Variants in ARAP3 observed in about 807,000 individuals in gnomAD.
ARAP3 encodes arf-GAP with Rho-GAP domain, ANK repeat and PH domain-containing protein 3.
A neutral mutation model predicts 169.2 loss-of-function variants in ARAP3; 82 were observed. The observed-to-expected ratio is 0.48, with a 90% confidence interval of 0.41 to 0.58. The LOEUF (loss-of-function observed/expected upper bound fraction) is 0.58, where lower values mean the gene tolerates loss of function less well. Ranked by LOEUF, ARAP3 falls within the 20% of genes least tolerant of loss-of-function variation. The pLI is 0.00. For synonymous variants in ARAP3, 791 were observed against 800.3 expected (o/e 0.99, Z 0.20); for missense variants, 1,764 against 2,018.0 (o/e 0.87, Z 2.41).
chr5:141,653,662 G>T lies in ARAP3; in HGVS notation c.*288C>A. On this transcript the variant is annotated 3_prime_UTR_variant, in exon 33 of 33. Transcript: ENST00000239440. ...AATATATAAAGCAGGAGCTGCCCTTGTTCAGGGATAATATGTGGGGCTTAT... is the reference window on the plus strand; with the variant it reads ...AATATATAAAGCAGGAGCTGCCCTTTTTCAGGGATAATATGTGGGGCTTAT... 1 of 314,780 alleles carries T rather than the reference G, an allele frequency of 3.2e-6. No homozygotes were observed. The highest frequency in any genetic ancestry group is 5.8e-6 in the Non-Finnish European group (1 of 173,246). 19.5% of individuals were successfully genotyped at this position (314,780 alleles called of 1,614,324 possible).
At chr5:141,665,653 G>T (rs1242468268) in intron 17 of ARAP3, among the ~76,000 whole-genome samples, 2 of 152,064 alleles carry the variant, frequency 1.3e-5, no homozygotes, top group African/African-American at 4.8e-5. Context: ...ATCTTACATT[G>T]TTCCTCTTTT....
In ARAP3 at chr5:141,655,212, C is replaced by CACAT. The variant is rs1375149324; in HGVS notation, c.4149+149_4149+150insATGT. ...ACACACACACACACACACACACACACACCCTGATGGCCTACACACACACAC... is the reference window on the plus strand; with the variant it reads ...ACACACACACACACACACACACACACACATACCCTGATGGCCTACACACACACAC... On this transcript the variant is annotated intron_variant, in intron 32 of 32. Transcript: ENST00000239440. 4.2e-4 allele frequency: 286 copies of CACAT among 675,784 alleles called. 5 individuals carry two copies. In the South Asian group the frequency reaches 5.3e-3, roughly 12 times the overall value. 41.9% of individuals were successfully genotyped at this position (675,784 alleles called of 1,614,324 possible).
chr5:141,659,768 G>A lies in ARAP3; in HGVS notation c.3267+11C>T, dbSNP rs2099909702. On this transcript the variant is annotated intron_variant, in intron 22 of 32. Transcript: ENST00000239440. ...AAAGGGGTTGTGGGTTAGGGGTCAG[G>A]AAAGCCTTACATCAAAGACAGAGAT... is the stretch of plus-strand genomic sequence containing the variant. The A allele has an allele frequency of 1.9e-6, 3 of 1,607,564 alleles. No individual in the cohort carries two copies. The highest frequency in any genetic ancestry group is 1.7e-5 in the Admixed American group (1 of 59,866).
chr5:141,674,013 G>A (rs1431242579), intron 4 of ARAP3, among the ~76,000 whole-genome samples: 2 of 141,008 alleles, frequency 1.4e-5, no homozygotes, highest in South Asian at 2.3e-4. Flanking sequence ...GCCCAGGCTG[G>A]AGTGCAATAG....
chr5:141,671,794 A>T lies in ARAP3; in HGVS notation c.1672-42T>A, dbSNP rs1168714672. The T allele has an allele frequency of 6.2e-7, 1 of 1,601,480 alleles. No homozygotes were observed. The highest frequency in any genetic ancestry group is 1.3e-5 in the African/African-American group (1 of 74,650). On this transcript the variant is annotated intron_variant, in intron 11 of 32. Transcript: ENST00000239440. The surrounding 1 kb of genome is among the most constrained non-coding windows in gnomAD (Gnocchi z 4.9). ...GACAAAGGCAGGTGACAGGAACTCAAGAGTCCTCAGATGTTCCATTCCTGT... is the reference window on the plus strand; with the variant it reads ...GACAAAGGCAGGTGACAGGAACTCATGAGTCCTCAGATGTTCCATTCCTGT...
At chr5:141,660,194 T>C (rs1037492740) in intron 21 of ARAP3, among the ~76,000 whole-genome samples, 4 of 152,132 alleles carry the variant, frequency 2.6e-5, no homozygotes, top group Admixed American at 6.5e-5. Flanking sequence ...AAAGGAGCTA[T>C]AGAAAATATA....
rs2099912745 is a variant in ARAP3 at position 141,679,902 on chromosome 5, C to G, written c.524+61G>C. On this transcript the variant is annotated intron_variant, in intron 2 of 32. Transcript: ENST00000239440. ...CATGCCCTGCTCCCCGCCTCCGTCC[C>G]CCTCATGCTCTCCTCCCCACTCCTC... The G allele has an allele frequency of 4.3e-6, 7 of 1,611,860 alleles. No individual in the cohort carries two copies. In the South Asian group the frequency reaches 4.4e-5, roughly 10 times the overall value.
At chr5:141,663,162 T>C (rs2099910190) in intron 19 of ARAP3, among the ~76,000 whole-genome samples, 1 of 152,116 alleles carries the variant, frequency 6.6e-6, no homozygotes, top group South Asian at 2.1e-4. Context: ...ATAAATAAGC[T>C]TCCTAGGACC....
chr5:141,677,013 G>A (rs963428098), intron 4 of ARAP3, among the ~76,000 whole-genome samples: 13 of 152,050 alleles, frequency 8.5e-5, no homozygotes, highest in Non-Finnish European at 1.3e-4. Flanking sequence ...AGACCGTGGC[G>A]GCTCCAGGAA....
In ARAP3 at chr5:141,670,635, G is replaced by A. The variant is rs370046998; in HGVS notation, c.1991-7C>T. On this transcript the variant is annotated splice_region_variant and splice_polypyrimidine_tract_variant and intron_variant, in intron 13 of 32. Coordinates refer to ENST00000239440, the MANE Select transcript of ARAP3 (RefSeq NM_022481.6). ...TACACACCAGGGGAGGGGTCTGCAA[G>A]GGGAAGGGGAAGTAGTCAGGTCAAC... 1.8e-5 allele frequency: 29 copies of A among 1,612,054 alleles called. No individual in the cohort carries two copies. The East Asian group carries it at 2.0e-4, about 11-fold the overall frequency.
chr5:141,662,214 C>G lies in ARAP3; in HGVS notation c.2842G>C (p.Ala948Pro), dbSNP rs1202857251. 1.2e-6 allele frequency: 2 copies of G among 1,614,204 alleles called. No homozygotes were observed. Among genetic ancestry groups the G allele is most frequent in the Admixed American group, 3.3e-5 (2 of 60,034 alleles). ...TCAGCCAGGAGTCTCAGGCTGCGGGCACGAGCGCCCCCTTTCCGGTATACA... is the reference window on the plus strand; with the variant it reads ...TCAGCCAGGAGTCTCAGGCTGCGGGGACGAGCGCCCCCTTTCCGGTATACA... ...EGVYRKGGAR[A>P]RSLRLLAEFR... The change falls in exon 20 of 33, where the codon GCC (alanine) becomes CCC (proline). Residue 948 changes from alanine to proline, a missense_variant. Around this residue, in one of 3 missense-constraint regions of ARAP3, gnomAD observed 1,112 missense variants for 1,285.7 expected, o/e 0.86. Coordinates refer to ENST00000239440, the MANE Select transcript of ARAP3 (RefSeq NM_022481.6).
chr5:141,663,258 G>A (rs1177524172), intron 19 of ARAP3, among the ~76,000 whole-genome samples: 1 of 152,116 alleles, frequency 6.6e-6, no homozygotes. Context: ...ACTAAACAAT[G>A]GTGGTGCAGG....
At position 141,672,730 on chromosome 5, in the gene ARAP3, G is replaced by C; in HGVS notation, c.1278+11C>G. The C allele has an allele frequency of 6.2e-7, 1 of 1,614,116 alleles. No individual in the cohort carries two copies. The highest frequency in any genetic ancestry group is 8.5e-7 in the Non-Finnish European group (1 of 1,180,004). ...GTTCAGGCCCCTCAGCCCTGGCCCG[G>C]CTCTCCTCACCTGCTCACTCTTGTA... On this transcript the variant is annotated intron_variant, in intron 8 of 32. Coordinates refer to ENST00000239440, the MANE Select transcript of ARAP3 (RefSeq NM_022481.6). This position sits in a 1 kb window ranked among gnomAD's most constrained non-coding sequence, Gnocchi z 4.9.
rs2099911545 is a variant in ARAP3, at chr5:141,672,232, G to C, written c.1455C>G (p.Thr485=). 6 of 1,614,206 alleles carry C rather than the reference G, an allele frequency of 3.7e-6. No individual in the cohort carries two copies. Among genetic ancestry groups the C allele is most frequent in the Middle Eastern group, 3.3e-4 (2 of 6,062 alleles). ...AAALQEAVTE[T]LSDYEVAEKI... Reference sequence around the variant, plus strand: ...TCTCAGCCACCTCGTAGTCAGACAGGGTCTCGGTTACTGCTTCCTGCAGAG... The same window carrying C: ...TCTCAGCCACCTCGTAGTCAGACAGCGTCTCGGTTACTGCTTCCTGCAGAG... The change falls in exon 10 of 33, where the codon ACC becomes ACG. Residue 485 remains threonine (T), a synonymous_variant. Transcript: ENST00000239440. The surrounding 1 kb of genome is among the most constrained non-coding windows in gnomAD (Gnocchi z 4.9).
Position 141,672,920 on chromosome 5 carries a change from G to T in ARAP3, c.1099C>A (p.Arg367=). 6.2e-7 allele frequency: 1 copy of T among 1,610,742 alleles called. No homozygotes were observed. Among genetic ancestry groups the T allele is most frequent in the Non-Finnish European group, 8.5e-7 (1 of 1,178,360 alleles). ...TGCAGCGTGGAGCACCACATGTCCC[G>T]CTGAGCTGGTGGGGATGGAGAAGCA... is the stretch of plus-strand genomic sequence containing the variant. The part of the protein sequence containing the change: ...FVFRTESEAQ[R]DMWCSTLQSC... Residue 367 remains arginine, a synonymous_variant, in exon 8 of 33, where the codon CGG becomes AGG. Coordinates refer to ENST00000239440, the MANE Select transcript of ARAP3 (RefSeq NM_022481.6). The surrounding 1 kb of genome is among the most constrained non-coding windows in gnomAD (Gnocchi z 4.9).
chr5:141,658,597 G>C lies in ARAP3; in HGVS notation c.3393C>G (p.Asp1131Glu). ...MEVYIEQQLPDNCVTLKVSPT... is the reference protein window; with the variant it reads ...MEVYIEQQLPENCVTLKVSPT... ...GACCAACCTTCAGGGTGACACAGTTGTCTGGGAGCTGCTGCTCTATATAAA... is the reference window on the plus strand; with the variant it reads ...GACCAACCTTCAGGGTGACACAGTTCTCTGGGAGCTGCTGCTCTATATAAA... Residue 1131 changes from aspartate (D) to glutamate (E), a missense_variant, in exon 24 of 33, where the codon GAC (aspartate) becomes GAG (glutamate). Transcript: ENST00000239440. The C allele has an allele frequency of 1.2e-6, 2 of 1,613,140 alleles. No homozygotes were observed. Among genetic ancestry groups the C allele is most frequent in the Non-Finnish European group, 1.7e-6 (2 of 1,179,796 alleles).
chr5:141,658,597 G>T lies in ARAP3; in HGVS notation c.3393C>A (p.Asp1131Glu), dbSNP rs757823853. 23 of 1,613,024 alleles carry T rather than the reference G, an allele frequency of 1.4e-5. No individual in the cohort carries two copies. The South Asian group carries it at 2.3e-4, about 16-fold the overall frequency. The change falls in exon 24 of 33, where the codon GAC (aspartate) becomes GAA (glutamate). Residue 1131 changes from aspartate to glutamate, a missense_variant. Transcript: ENST00000239440. ...MEVYIEQQLPDNCVTLKVSPT... is the reference protein window; with the variant it reads ...MEVYIEQQLPENCVTLKVSPT... ...GACCAACCTTCAGGGTGACACAGTT[G>T]TCTGGGAGCTGCTGCTCTATATAAA...
intron 28 of ARAP3, 33 bp downstream of exon 28, chr5:141,656,161 C>T: frequency 1.2e-6 from 2 of 1,613,988 alleles, no homozygotes; most frequent in Non-Finnish European, 1.7e-6. Context: ...GGCAGGAAGG[C>T]CCTGGAAGTG....
intron 29 of ARAP3, 65 bp downstream of exon 29, chr5:141,655,999 G>A: frequency 6.2e-7 from 1 of 1,613,810 alleles, no homozygotes; most frequent in Non-Finnish European, 8.5e-7. Context: ...AGCATACAAA[G>A]AGGGAAGAGA....
Sources: gnomAD v4.1 joint callset for allele counts (sites outside exome capture counted in the v4.1 genomes callset) on GRCh38, gnomAD v4.1.1 for gene constraint, gnomAD v4.1.1 regional missense constraint, Gnocchi (gnomAD v3.1) non-coding constraint, MANE v1.5 for transcripts, NCBI Gene and HGNC (gene_info 2026-07-23, HGNC 2026-07-21) for gene names.